Variants in TENM2 observed in about 807,000 individuals in gnomAD.
TENM2 encodes the protein teneurin transmembrane protein 2, also known as teneurin-2.
Under a neutral mutation model 245.2 loss-of-function variants are expected in TENM2, and 52 were observed. That is an observed-to-expected ratio of 0.21 (90% CI 0.17 to 0.27). The LOEUF (loss-of-function observed/expected upper bound fraction) is 0.27. Among genes scored for constraint, TENM2 ranks in the 10% least tolerant of loss-of-function variants. The probability of loss-of-function intolerance (pLI) is 1.00; values close to 1 mark genes in which losing one functional copy is unlikely to be tolerated. For missense variants in TENM2, 3,046 were observed against 3,666.8 expected, an observed-to-expected ratio of 0.83 and a Z score of 4.37; for synonymous variants, 1,363 against 1,438.9, an observed-to-expected ratio of 0.95 and a Z score of 1.19.
intron 2 of TENM2, among the ~76,000 whole-genome samples, chr5:167,816,358 T>C (rs1217146487): frequency 6.6e-6 from 1 of 152,198 alleles, no homozygotes; most frequent in Non-Finnish European, 1.5e-5. Context: ...GAGCCCTCCT[T>C]CTAAAGACCT....
At chr5:167,909,817 G>A (rs1158940326) in intron 3 of TENM2, among the ~76,000 whole-genome samples, 1 of 151,776 alleles carries the variant, frequency 6.6e-6, no homozygotes, top group Admixed American at 6.6e-5. Flanking sequence ...CTTATCTCAT[G>A]GATAAAACAG....
At chr5:167,987,332 C>CT (rs199696701) in intron 4 of TENM2, among the ~76,000 whole-genome samples, 132 of 143,102 alleles carry the variant, frequency 9.2e-4, no homozygotes, top group East Asian at 3.1e-3. Context: ...TCTTCGCTTC[C>CT]TTTTTTTTTT....
intron 2 of TENM2, among the ~76,000 whole-genome samples, chr5:167,400,678 G>T (rs2127384959): frequency 6.6e-6 from 1 of 152,198 alleles, no homozygotes; most frequent in Middle Eastern, 3.4e-3. Context: ...CACGACCCTA[G>T]AAATGCTCCC....
In TENM2 at chr5:167,389,270, A is replaced by ATC. The variant is rs1349143178; in HGVS notation, c.502+13798_502+13799dup. Among the ~76,000 whole-genome samples, 219 of 149,030 alleles carry ATC rather than the reference A, an allele frequency of 1.5e-3. 1 individual carries two copies. Among genetic ancestry groups the ATC allele is most frequent in the Middle Eastern group, 3.5e-3 (1 of 286 alleles). On this transcript the variant is annotated intron_variant, in intron 2 of 28. Transcript: ENST00000518659. ...TTAAAATATATATATATATATATAT[A>ATC]TCCATGCATATAGGCATGAAAAAGA...
Position 168,218,714 on chromosome 5 carries a change from T to C in TENM2, c.4823T>C (p.Leu1608Pro). The change falls in exon 23 of 29, where the codon CTG becomes CCG. Residue 1608 changes from leucine (L) to proline (P), a missense_variant. Coordinates refer to ENST00000518659, the Ensembl canonical transcript of TENM2. The surrounding 1 kb of genome is among the most constrained non-coding windows in gnomAD (Gnocchi z 5.2). ...GGCATCCACCAATACACTGTGAGCC[T>C]GGTGACAGGGGAGTACTTGTACAAT... 6.2e-7 allele frequency: 1 copy of C among 1,614,060 alleles called. No individual in the cohort carries two copies. The highest frequency in any genetic ancestry group is 8.5e-7 in the Non-Finnish European group (1 of 1,179,906).
the TENM2 span, among the ~76,000 whole-genome samples, chr5:167,050,850 G>A: frequency 6.6e-6 from 1 of 152,110 alleles, no homozygotes; most frequent in East Asian, 1.9e-4. Context: ...ATTGGATGAG[G>A]ATTGACAATG....
At chr5:167,576,431 A>G (rs1441677146) in intron 2 of TENM2, among the ~76,000 whole-genome samples, 1 of 152,036 alleles carries the variant, frequency 6.6e-6, no homozygotes, top group Non-Finnish European at 1.5e-5. Flanking sequence ...ATTTTGCATA[A>G]TTTGCTAATT....
At chr5:167,385,014 C>G (rs78046126) in intron 2 of TENM2, among the ~76,000 whole-genome samples, 1 of 152,176 alleles carries the variant, frequency 6.6e-6, no homozygotes, top group Non-Finnish European at 1.5e-5. Flanking sequence ...GCAATCTATT[C>G]TGCTTACATG....
intron 3 of TENM2, among the ~76,000 whole-genome samples, chr5:167,929,065 GAAAGAAAGA>G: frequency 2.0e-4 from 1 of 4,922 alleles, no homozygotes; most frequent in Admixed American, 1.9e-3. Flanking sequence ...AAGAGAGAAA[GAAAGAAAGA>G]AAGAAAGAAA....
At chr5:167,015,167 T>C in the TENM2 span, among the ~76,000 whole-genome samples, 6 of 152,220 alleles carry the variant, frequency 3.9e-5, no homozygotes, top group South Asian at 6.2e-4. Context: ...ATTTATCTTA[T>C]TGGTTTCCTG....
intron 7 of TENM2, among the ~76,000 whole-genome samples, chr5:168,078,363 C>A (rs1791669849): frequency 6.6e-6 from 1 of 152,068 alleles, no homozygotes; most frequent in Non-Finnish European, 1.5e-5. Flanking sequence ...TAAAAATTTT[C>A]TCCCATTCTG....
chr5:167,741,480 A>G (rs1262721121), intron 2 of TENM2, among the ~76,000 whole-genome samples: 2 of 152,166 alleles, frequency 1.3e-5, no homozygotes, highest in African/African-American at 4.8e-5. Context: ...GTTGTGGGTC[A>G]TCTCTGAAAA....
At chr5:167,143,141 A>G in the TENM2 span, among the ~76,000 whole-genome samples, 9 of 152,184 alleles carry the variant, frequency 5.9e-5, no homozygotes, top group African/African-American at 2.2e-4. Flanking sequence ...AATTAGGGCA[A>G]TCCAAATCTG....
chr5:168,159,756 C>A (rs972830680), intron 12 of TENM2, among the ~76,000 whole-genome samples: 1 of 152,188 alleles, frequency 6.6e-6, no homozygotes, highest in Non-Finnish European at 1.5e-5. Context: ...TTCTTGTTTT[C>A]ATCTTCCTCA....
At chr5:168,017,346 A>G (rs945702151) in intron 5 of TENM2, among the ~76,000 whole-genome samples, 1 of 152,238 alleles carries the variant, frequency 6.6e-6, no homozygotes. Flanking sequence ...AAGAATAAAC[A>G]AGAGGAAAAT....
At chr5:167,058,438 A>C in the TENM2 span, among the ~76,000 whole-genome samples, 3 of 152,212 alleles carry the variant, frequency 2.0e-5, no homozygotes, top group East Asian at 5.8e-4. Context: ...AGCTATTGCT[A>C]TTAGGTGTAT....
intron 2 of TENM2, among the ~76,000 whole-genome samples, chr5:167,626,381 CT>C (rs1399527477): frequency 6.6e-6 from 1 of 152,006 alleles, no homozygotes; most frequent in Admixed American, 6.6e-5. Flanking sequence ...GGCTGTTATA[CT>C]TAATAGAACT....
At chr5:168,036,179 G>A (rs1055522998) in intron 5 of TENM2, among the ~76,000 whole-genome samples, 1 of 152,070 alleles carries the variant, frequency 6.6e-6, no homozygotes, top group Non-Finnish European at 1.5e-5. Context: ...GGAGGAGGGG[G>A]ACACATAATG....
At chr5:167,660,718 T>C (rs981023030) in intron 2 of TENM2, among the ~76,000 whole-genome samples, 1 of 152,148 alleles carries the variant, frequency 6.6e-6, no homozygotes, top group African/African-American at 2.4e-5. Context: ...CTTGTATTTC[T>C]GGAAATGCAT....
Sources: allele counts gnomAD v4.1 joint callset (sites outside exome capture counted in the v4.1 genomes callset), GRCh38; gene constraint gnomAD v4.1.1; non-coding constraint Gnocchi (gnomAD v3.1); transcripts MANE v1.5; gene names NCBI Gene and HGNC (gene_info 2026-07-23, HGNC 2026-07-21).